Variants in BABAM2 observed in about 807,000 individuals in gnomAD.
BABAM2 encodes the protein BRISC and BRCA1 A complex member 2, also known as BRISC and BRCA1-A complex member 2.
Under a neutral mutation model 54.7 loss-of-function variants are expected in BABAM2, and 31 were observed. The observed-to-expected ratio is 0.57, with a 90% CI of 0.43 to 0.77. The LOEUF is 0.77. Ranked by LOEUF, BABAM2 falls within the 30% of genes least tolerant of loss-of-function variation. The pLI is 0.00. For synonymous variants in BABAM2, 167 were observed against 162.9 expected (o/e 1.03, Z -0.19); for missense variants, 364 against 455.8 (o/e 0.80, Z 1.83).
rs372015984 is a variant in BABAM2, at chr2:28,031,913, T to C, written c.495+6493T>C. On this transcript the variant is annotated intron_variant, in intron 5 of 11. Coordinates refer to ENST00000379624, the MANE Select transcript of BABAM2 (RefSeq NM_199191.3). ...TATATTCAACTGGCTTACTGATCAG[T>C]AAAACACATCTATTATGTCTTAGTG... Among the ~76,000 whole-genome samples, 16 of 152,344 alleles carry C rather than the reference T, an allele frequency of 1.1e-4. No homozygotes were observed. The East Asian group carries it at 2.5e-3, about 24-fold the overall frequency.
intron 7 of BABAM2, among the ~76,000 whole-genome samples, chr2:28,194,575 CTT>C (rs10684650): frequency 4.0e-4 from 40 of 99,198 alleles, no homozygotes; most frequent in African/African-American, 1.4e-3. Context: ...ACAACGTAGA[CTT>C]TTTTTTTTTT....
intron 7 of BABAM2, among the ~76,000 whole-genome samples, chr2:28,153,581 C>A (rs761511139): frequency 1.4e-4 from 21 of 152,102 alleles, no homozygotes; most frequent in Non-Finnish European, 2.4e-4. Flanking sequence ...TGTGTTGAAT[C>A]AGAATTTTGC....
chr2:28,138,171 CA>C (rs1670709529), intron 7 of BABAM2, among the ~76,000 whole-genome samples: 1 of 152,052 alleles, frequency 6.6e-6, no homozygotes, highest in Non-Finnish European at 1.5e-5. Flanking sequence ...TGCTAGTTAA[CA>C]AAAACATTGA....
chr2:27,949,238 G>T (rs1222635844), intron 3 of BABAM2, among the ~76,000 whole-genome samples: 2 of 152,134 alleles, frequency 1.3e-5, no homozygotes, highest in Admixed American at 1.3e-4. Context: ...GAGACTCAAA[G>T]AATCATATTG....
chr2:28,054,557 G>A lies in BABAM2; in HGVS notation c.570+8758G>A, dbSNP rs183766331. Among the ~76,000 whole-genome samples the A allele has an allele frequency of 4.5e-4, 68 of 152,284 alleles. 1 individual carries two copies. In the East Asian group the frequency reaches 6.4e-3, roughly 14 times the overall value. The stretch of plus-strand genomic sequence containing the variant: ...GAGGTGATTCAGTTATGAGGGTGGA[G>A]CCCTGGTGAATGGGATTAATACCCT... On this transcript the variant is annotated intron_variant, in intron 6 of 11. Transcript: ENST00000379624.
chr2:28,110,175 A>T (rs1024566870), intron 6 of BABAM2, among the ~76,000 whole-genome samples: 1 of 151,892 alleles, frequency 6.6e-6, no homozygotes, highest in African/African-American at 2.4e-5. Flanking sequence ...CTCGAGGTTC[A>T]TCCACGTTGT....
chr2:27,921,199 CG>C (rs917820223), intron 2 of BABAM2, among the ~76,000 whole-genome samples: 4 of 152,044 alleles, frequency 2.6e-5, no homozygotes, highest in Admixed American at 6.6e-5. Context: ...TGTCAAGTTA[CG>C]GGGGGCTTGT....
At chr2:28,024,298 C>T (rs532104888) in intron 4 of BABAM2, among the ~76,000 whole-genome samples, 58 of 151,688 alleles carry the variant, frequency 3.8e-4, no homozygotes, top group Middle Eastern at 3.4e-3. Flanking sequence ...CCCAGCTACT[C>T]GGGAGACTGA....
chr2:28,244,167 GCCTTAA>G (rs1558467267), intron 9 of BABAM2, among the ~76,000 whole-genome samples: 1 of 152,094 alleles, frequency 6.6e-6, no homozygotes, highest in African/African-American at 2.4e-5. Flanking sequence ...TTGCTACTTT[GCCTTAA>G]GCCCAGTGGG....
rs141089075 is a variant in BABAM2 at position 28,244,862 on chromosome 2, A to T, written c.934A>T (p.Ile312Phe). ...GAAAGATTTTTGTTTTCTTGTACAC[A>T]GTGAGTATACTTTTGCTGTCAGCAT... Reference protein sequence around the residue: ...MWKDFCFLVHIDLPLFFPRDQ... With the variant: ...MWKDFCFLVHFDLPLFFPRDQ... The change falls in exon 10 of 12, where the codon ATT becomes TTT. Residue 312 changes from isoleucine to phenylalanine, a missense_variant and splice_region_variant. Coordinates refer to ENST00000379624, the MANE Select transcript of BABAM2 (RefSeq NM_199191.3). 8 of 1,613,424 alleles carry T rather than the reference A, an allele frequency of 5.0e-6. No homozygotes were observed. In the Admixed American group the frequency reaches 8.3e-5, roughly 17 times the overall value.
At chr2:27,905,447 A>G (rs1461151640) in intron 2 of BABAM2, among the ~76,000 whole-genome samples, 2 of 152,052 alleles carry the variant, frequency 1.3e-5, no homozygotes, top group African/African-American at 4.8e-5. Context: ...TTAAATGGGG[A>G]TGGCATTAAT....
At position 27,916,938 on chromosome 2, in the gene BABAM2, A is replaced by G. The variant is rs530062596; in HGVS notation, c.129-12894A>G. On this transcript the variant is annotated intron_variant, in intron 2 of 11. Coordinates refer to ENST00000379624, the MANE Select transcript of BABAM2 (RefSeq NM_199191.3). ...TGTGTTGTGTGACTTTCATAGTTTGATTTTTGTCTTCTGATTACAAGTTCT... is the reference window on the plus strand; with the variant it reads ...TGTGTTGTGTGACTTTCATAGTTTGGTTTTTGTCTTCTGATTACAAGTTCT... 4.1e-5 allele frequency among the ~76,000 whole-genome samples: 6 copies of G among 145,704 alleles called. No individual in the cohort carries two copies. The East Asian group carries it at 1.2e-3, about 30-fold the overall frequency.
In BABAM2 at chr2:28,010,763, C is replaced by G. The variant is rs544049434; in HGVS notation, c.301-14463C>G. On this transcript the variant is annotated intron_variant, in intron 4 of 11. Coordinates refer to ENST00000379624, the MANE Select transcript of BABAM2 (RefSeq NM_199191.3). ...GGCTGAAATAATGTTATTTAAGGACCTGGTTTCTTCCCATTTCTTTTCTTC... is the reference window on the plus strand; with the variant it reads ...GGCTGAAATAATGTTATTTAAGGACGTGGTTTCTTCCCATTTCTTTTCTTC... Among the ~76,000 whole-genome samples, 10 of 152,142 alleles carry G rather than the reference C, an allele frequency of 6.6e-5. No homozygotes were observed. The South Asian group carries it at 2.1e-3, about 32-fold the overall frequency.
chr2:28,060,488 T>C (rs1573496370), intron 6 of BABAM2, among the ~76,000 whole-genome samples: 1 of 152,100 alleles, frequency 6.6e-6, no homozygotes, highest in East Asian at 1.9e-4. Flanking sequence ...TGGGGGGGCC[T>C]GGCCAGAGCA....
At chr2:28,160,714 A>G (rs1375753951) in intron 7 of BABAM2, among the ~76,000 whole-genome samples, 1 of 151,120 alleles carries the variant, frequency 6.6e-6, no homozygotes, top group African/African-American at 2.4e-5. Flanking sequence ...TTAAATGAAC[A>G]TAGAAAGGAA....
At chr2:28,101,273 T>G (rs1667057953) in intron 6 of BABAM2, among the ~76,000 whole-genome samples, 1 of 152,166 alleles carries the variant, frequency 6.6e-6, no homozygotes. Context: ...ATATCTAGCA[T>G]GCATGGACTC....
intron 7 of BABAM2, among the ~76,000 whole-genome samples, chr2:28,141,424 G>A (rs1671043998): frequency 6.6e-6 from 1 of 152,116 alleles, no homozygotes; most frequent in Non-Finnish European, 1.5e-5. Context: ...GCCTAAATAA[G>A]AACACACTTT....
intron 8 of BABAM2, among the ~76,000 whole-genome samples, chr2:28,239,351 T>G (rs1682200528): frequency 6.6e-6 from 1 of 152,214 alleles, no homozygotes; most frequent in Non-Finnish European, 1.5e-5. Context: ...GGAAACTCAG[T>G]GTGGCTATAG....
At chr2:28,019,246 A>G (rs569104028) in intron 4 of BABAM2, among the ~76,000 whole-genome samples, 27 of 152,156 alleles carry the variant, frequency 1.8e-4, no homozygotes, top group Non-Finnish European at 3.8e-4. Flanking sequence ...TATCCAGTCT[A>G]TCATTGATGG....
Sources: allele counts gnomAD v4.1 joint callset (sites outside exome capture counted in the v4.1 genomes callset), GRCh38; gene constraint gnomAD v4.1.1; transcripts MANE v1.5; gene names NCBI Gene and HGNC (gene_info 2026-07-23, HGNC 2026-07-21).